The following PTBP2 variants were observed in gnomAD, a reference collection of about 807,000 sequenced individuals.
PTBP2 encodes polypyrimidine tract-binding protein 2.
In PTBP2, 13 loss-of-function variants were observed where a neutral mutation model predicts 61.4. The observed-to-expected ratio is 0.21, with a 90% CI of 0.14 to 0.34. The LOEUF (loss-of-function observed/expected upper bound fraction) is 0.34. Ranked by LOEUF, PTBP2 falls within the 10% of genes least tolerant of loss-of-function variation. PTBP2 has a pLI of 1.00. For missense variants in PTBP2, 405 were observed against 642.6 expected (o/e 0.63, Z 4.00); for synonymous variants, 215 against 218.5 (o/e 0.98, Z 0.14).
rs182135540 is a variant in PTBP2, at chr1:96,728,547, T to C, written c.39+4953T>C. Among the ~76,000 whole-genome samples the C allele has an allele frequency of 2.2e-3, 332 of 152,344 alleles. 5 individuals carry two copies. The highest frequency in any genetic ancestry group is 3.2e-4 in the Non-Finnish European group (22 of 68,034). ...CTTTTTTGTATTGACCCATTTTCCT[T>C]TATCTAGATGCTGGAAACATACTGT... On this transcript the variant is annotated intron_variant, in intron 2 of 13. Coordinates refer to ENST00000674951, the MANE Select transcript of PTBP2 (RefSeq NM_021190.4).
chr1:96,752,712 G>C (rs914074594), intron 3 of PTBP2, among the ~76,000 whole-genome samples: 1 of 151,950 alleles, frequency 6.6e-6, no homozygotes, highest in Non-Finnish European at 1.5e-5. Context: ...AATTAATTTG[G>C]AATTAATTTC....
intron 8 of PTBP2, among the ~76,000 whole-genome samples, chr1:96,785,702 G>A (rs948480104): frequency 6.6e-6 from 1 of 152,062 alleles, no homozygotes; most frequent in African/African-American, 2.4e-5. Context: ...ATACATAATG[G>A]GTGGAGGCAT....
At chr1:96,787,510 G>T (rs2101083189) in intron 8 of PTBP2, among the ~76,000 whole-genome samples, 1 of 151,776 alleles carries the variant, frequency 6.6e-6, no homozygotes, top group Admixed American at 6.5e-5. Context: ...TTTCCTAAGT[G>T]ACTTCTTTTT....
intron 2 of PTBP2, among the ~76,000 whole-genome samples, chr1:96,740,216 A>G (rs1652818792): frequency 6.6e-6 from 1 of 152,170 alleles, no homozygotes; most frequent in Non-Finnish European, 1.5e-5. Flanking sequence ...GAGTGACTTA[A>G]AAAACAGAGA....
rs148196167 is a variant in PTBP2, at chr1:96,774,962, T to C, written c.433-2623T>C. ...CAGTCGTTTGCTGCCATTATGTCAC[T>C]GCTCTCATGCATGGAATATTGTGGG... On this transcript the variant is annotated intron_variant, in intron 5 of 13. Transcript: ENST00000674951. Among the ~76,000 whole-genome samples the C allele has an allele frequency of 1.2e-4, 18 of 152,360 alleles. No homozygotes were observed. The East Asian group carries it at 2.9e-3, about 24-fold the overall frequency.
chr1:96,751,406 T>C lies in PTBP2; in HGVS notation c.40-19T>C, dbSNP rs1256588660. 6.3e-7 allele frequency: 1 copy of C among 1,586,826 alleles called. No homozygotes were observed. Among genetic ancestry groups the C allele is most frequent in the Non-Finnish European group, 8.6e-7 (1 of 1,156,666 alleles). On this transcript the variant is annotated intron_variant, in intron 2 of 13. Coordinates refer to ENST00000674951, the MANE Select transcript of PTBP2 (RefSeq NM_021190.4). ...TAAATTTAAAGATGTCTTATGCTAA[T>C]TTGTTTTTGTTTTCATAGAGAGGAT...
In PTBP2 at chr1:96,814,077, A is replaced by G. The variant is rs1031437585; in HGVS notation, c.*672A>G. 3.3e-5 allele frequency: 5 copies of G among 152,674 alleles called. No individual in the cohort carries two copies. Among genetic ancestry groups the G allele is most frequent in the African/African-American group, 1.2e-4 (5 of 41,560 alleles). The allele number at this position is 152,674 out of a possible 1,614,324, so 9.5% of individuals were successfully genotyped here. On this transcript the variant is annotated 3_prime_UTR_variant, in exon 14 of 14. Transcript: ENST00000674951. ...CAGAGTATTAATTTCTTAAGACAAC[A>G]AAGTGATTTCTGTAAGTTTGAGCCC...
chr1:96,794,772 A>G (rs1660196533), intron 8 of PTBP2, among the ~76,000 whole-genome samples: 7 of 152,182 alleles, frequency 4.6e-5, no homozygotes. Flanking sequence ...GTGATCCATC[A>G]ACAAAAGGAG....
At chr1:96,818,759 A>G (rs543485700), downstream of PTBP2, 1 of 152,254 alleles carries the variant, frequency 6.6e-6, no homozygotes, top group African/African-American at 2.4e-5. Context: ...TTATGCAGAT[A>G]TAGTTAATAC....
At chr1:96,749,777 AG>A (rs1433469801) in intron 2 of PTBP2, 6 of 388,672 alleles carry the variant, frequency 1.5e-5, no homozygotes, top group Non-Finnish European at 3.3e-5. Context: ...GATGTGAGCC[AG>A]GCACTTTGCC....
At chr1:96,816,006 C>T (rs1486820208), downstream of PTBP2, 1 of 152,156 alleles carries the variant, frequency 6.6e-6, no homozygotes, top group Non-Finnish European at 1.5e-5. Flanking sequence ...GGTTCTGTCA[C>T]CTTTTCAGGT....
At position 96,761,346 on chromosome 1, in the gene PTBP2, A is replaced by ATGTGTGTGTGTGTGTGTG. The variant is rs57451223; in HGVS notation, c.116-8331_116-8314dup. On this transcript the variant is annotated intron_variant, in intron 3 of 13. Coordinates refer to ENST00000674951, the MANE Select transcript of PTBP2 (RefSeq NM_021190.4). ...AGCAGGGGCCTAGATGTGGGATTTG[A>ATGTGTGTGTGTGTGTGTG]TGTGTGTGTGTGTGTGTGTGTGTGT... is the stretch of plus-strand genomic sequence containing the variant. Among the ~76,000 whole-genome samples, 491 of 140,548 alleles carry ATGTGTGTGTGTGTGTGTG rather than the reference A, an allele frequency of 3.5e-3. 4 individuals are homozygous for ATGTGTGTGTGTGTGTGTG. The highest frequency in any genetic ancestry group is 0.012 in the African/African-American group (454 of 37,944). The allele number at this position is 140,548 out of a possible 152,430, so 92.2% of individuals were successfully genotyped here.
intron 8 of PTBP2, among the ~76,000 whole-genome samples, chr1:96,799,461 A>T (rs1389065427): frequency 2.0e-5 from 3 of 151,686 alleles, no homozygotes; most frequent in Non-Finnish European, 4.4e-5. Context: ...ACGCCCAGCT[A>T]ATTTTTTTGT....
chr1:96,762,684 C>T (rs1656108664), intron 3 of PTBP2, among the ~76,000 whole-genome samples: 1 of 150,656 alleles, frequency 6.6e-6, no homozygotes, highest in African/African-American at 2.4e-5. Context: ...ACCCCCCCAC[C>T]TCCCTCCTGG....
rs1491374136 is a variant in PTBP2, at chr1:96,746,083, AAC to A, written c.40-5340_40-5339del. 1.7e-4 allele frequency among the ~76,000 whole-genome samples: 26 copies of A among 151,950 alleles called. No individual in the cohort carries two copies. The East Asian group carries it at 4.5e-3, about 26-fold the overall frequency. On this transcript the variant is annotated intron_variant, in intron 2 of 13. Coordinates refer to ENST00000674951, the MANE Select transcript of PTBP2 (RefSeq NM_021190.4). ...TCCATCTCAAAAACAAACAAAAAAAAACAACAACAAAAAAAGATTTTGACTTT... is the reference window on the plus strand; with the variant it reads ...TCCATCTCAAAAACAAACAAAAAAAAAACAACAAAAAAAGATTTTGACTTT...
chr1:96,822,882 A>AT (rs1448849022), exon 14 of PTBP2: 1 of 151,952 alleles, frequency 6.6e-6, no homozygotes, highest in African/African-American at 2.4e-5. Context: ...AACTTAAAAC[A>AT]TTTTTTCATG....
At chr1:96,787,862 A>G (rs1351727902) in intron 8 of PTBP2, among the ~76,000 whole-genome samples, 2 of 152,156 alleles carry the variant, frequency 1.3e-5, no homozygotes, top group Non-Finnish European at 2.9e-5. Context: ...CATACTTTTT[A>G]TTAAAACACC....
At chr1:96,749,720 G>A in intron 2 of PTBP2, 1 of 452,626 alleles carries the variant, frequency 2.2e-6, no homozygotes, top group Non-Finnish European at 4.5e-6. Flanking sequence ...AATATGTGGG[G>A]ACATTGTACT....
chr1:96,755,573 A>T (rs1488980044), intron 3 of PTBP2, among the ~76,000 whole-genome samples: 3 of 152,230 alleles, frequency 2.0e-5, no homozygotes, highest in Non-Finnish European at 4.4e-5. Flanking sequence ...ATGTGAAACA[A>T]ACATTCATCA....
Sources: gnomAD v4.1 joint callset for allele counts (sites outside exome capture counted in the v4.1 genomes callset) on GRCh38, gnomAD v4.1.1 for gene constraint, MANE v1.5 for transcripts, NCBI Gene and HGNC (gene_info 2026-07-23, HGNC 2026-07-21) for gene names.